PRKG1: variants seen among roughly 807,000 people sequenced by gnomAD.
PRKG1 encodes protein kinase cGMP-dependent 1, also known as cGMP-dependent protein kinase 1.
Under a neutral mutation model 88.1 loss-of-function variants are expected in PRKG1, and 35 were observed. That is an observed-to-expected ratio of 0.40 (90% confidence interval 0.30 to 0.53). The LOEUF (loss-of-function observed/expected upper bound fraction) is 0.53, where lower values mean the gene tolerates loss of function less well. Ranked by LOEUF, PRKG1 falls within the 20% of genes least tolerant of loss-of-function variation. The probability of loss-of-function intolerance (pLI) is 0.59; values close to 1 mark genes in which losing one functional copy is unlikely to be tolerated. For synonymous variants in PRKG1, 303 were observed against 292.5 expected, an observed-to-expected ratio of 1.04 and a Z score of -0.37; for missense variants, 540 against 839.8, an observed-to-expected ratio of 0.64 and a Z score of 4.41.
At chr10:51,208,778 G>A (rs568983637) in intron 2 of PRKG1, among the ~76,000 whole-genome samples, 60 of 152,262 alleles carry the variant, frequency 3.9e-4, no homozygotes, top group Non-Finnish European at 7.2e-4. Context: ...CCTTTGACAT[G>A]TGTTAGTATT....
chr10:51,060,699 A>C (rs1843682504), intron 1 of PRKG1, among the ~76,000 whole-genome samples: 1 of 152,144 alleles, frequency 6.6e-6, no homozygotes, highest in African/African-American at 2.4e-5. Context: ...TGATACTTAC[A>C]TTTTCTTTAA....
At chr10:51,238,081 A>G (rs987224762) in intron 2 of PRKG1, among the ~76,000 whole-genome samples, 9 of 152,224 alleles carry the variant, frequency 5.9e-5, no homozygotes, top group Non-Finnish European at 7.3e-5. Context: ...TGAATCTACT[A>G]TTAATACTGG....
rs141293448 is a variant in PRKG1 at position 51,467,786 on chromosome 10, T to C, written c.542T>C (p.Phe181Ser). Residue 181 changes from phenylalanine to serine, a missense_variant, in exon 3 of 18, where the codon TTT becomes TCT. By Grantham distance (155) the Phe-to-Ser change is radical (BLOSUM62 -2). Transcript: ENST00000373980. ...KLCTMGPGKV[F>S]GELAILYNCT... The stretch of plus-strand genomic sequence containing the variant: ...TGTACCATGGGTCCAGGAAAAGTGT[T>C]TGGGGAATTGGCTATTCTTTACAAC... 2 of 1,613,058 alleles carry C rather than the reference T, an allele frequency of 1.2e-6. No individual in the cohort carries two copies. Among genetic ancestry groups the C allele is most frequent in the South Asian group, 1.1e-5 (1 of 91,068 alleles).
chr10:51,021,679 T>G (rs541153752), intron 1 of PRKG1, among the ~76,000 whole-genome samples: 1 of 152,296 alleles, frequency 6.6e-6, no homozygotes, highest in African/African-American at 2.4e-5. Flanking sequence ...TAGTTCTTTT[T>G]TTGTTTTGCT....
intron 2 of PRKG1, among the ~76,000 whole-genome samples, chr10:51,368,905 A>G (rs1427890096): frequency 6.6e-6 from 1 of 152,098 alleles, no homozygotes; most frequent in African/African-American, 2.4e-5. Context: ...TATGGATTGG[A>G]GAAATGAGAG....
intron 3 of PRKG1, among the ~76,000 whole-genome samples, chr10:51,587,669 A>T (rs1838207072): frequency 6.6e-6 from 1 of 152,160 alleles, no homozygotes; most frequent in South Asian, 2.1e-4. Flanking sequence ...CTTGCTTTTC[A>T]TTTAAATACC....
At chr10:51,897,542 T>C (rs1198367916) in intron 4 of PRKG1, among the ~76,000 whole-genome samples, 1 of 152,202 alleles carries the variant, frequency 6.6e-6, no homozygotes, top group African/African-American at 2.4e-5. Flanking sequence ...ACTATAATCT[T>C]TTGAAAATAT....
intron 5 of PRKG1, among the ~76,000 whole-genome samples, chr10:52,033,100 T>C (rs550832166): frequency 6.6e-6 from 1 of 152,320 alleles, no homozygotes; most frequent in South Asian, 2.1e-4. Context: ...ACTTTTAGTA[T>C]ACTAATATTA....
intron 2 of PRKG1, among the ~76,000 whole-genome samples, chr10:51,461,054 T>C (rs1345382723): frequency 6.6e-6 from 1 of 152,182 alleles, no homozygotes; most frequent in African/African-American, 2.4e-5. Context: ...ATGTTTTTGA[T>C]TCACAACCAA....
intron 5 of PRKG1, among the ~76,000 whole-genome samples, chr10:52,037,848 T>A (rs1256259287): frequency 6.6e-6 from 1 of 151,890 alleles, no homozygotes. Context: ...GTCAGATGGA[T>A]CTGTAGAAAA....
intron 2 of PRKG1, among the ~76,000 whole-genome samples, chr10:51,344,910 A>C (rs1842080184): frequency 6.6e-6 from 1 of 152,194 alleles, no homozygotes. Context: ...AAATTCATGC[A>C]CAATAGGAAC....
At chr10:52,050,072 G>C (rs1428982916) in intron 5 of PRKG1, among the ~76,000 whole-genome samples, 1 of 151,954 alleles carries the variant, frequency 6.6e-6, no homozygotes, top group African/African-American at 2.4e-5. Context: ...TGTGTGTGGT[G>C]GTGGTGGTAA....
At chr10:51,479,521 A>G (rs879722818) in intron 3 of PRKG1, among the ~76,000 whole-genome samples, 5 of 151,672 alleles carry the variant, frequency 3.3e-5, no homozygotes, top group Non-Finnish European at 7.4e-5. Context: ...TTTCCCTTTG[A>G]GCTTTTCACT....
chr10:51,994,800 A>G (rs1564743544), intron 5 of PRKG1, among the ~76,000 whole-genome samples: 1 of 152,166 alleles, frequency 6.6e-6, no homozygotes, highest in African/African-American at 2.4e-5. Flanking sequence ...TATTTGACAT[A>G]TGGAGCACTG....
intron 2 of PRKG1, among the ~76,000 whole-genome samples, chr10:51,387,950 T>C (rs1837295084): frequency 6.6e-6 from 1 of 152,208 alleles, no homozygotes; most frequent in Admixed American, 6.5e-5. Flanking sequence ...ATCCAGTTTT[T>C]TACTATCTAA....
intron 3 of PRKG1, among the ~76,000 whole-genome samples, chr10:51,704,686 G>A (rs565982360): frequency 2.6e-5 from 4 of 152,278 alleles, no homozygotes; most frequent in Admixed American, 6.5e-5. Flanking sequence ...AATAGCCAAC[G>A]CAAGAAATTG....
intron 4 of PRKG1, among the ~76,000 whole-genome samples, chr10:51,844,412 C>T (rs1206712796): frequency 2.0e-5 from 3 of 152,004 alleles, no homozygotes; most frequent in Non-Finnish European, 4.4e-5. Context: ...AGAACAGTTG[C>T]TATTATTATA....
chr10:52,184,800 CAA>C (rs1247617470), intron 9 of PRKG1: 7 of 152,138 alleles, frequency 4.6e-5, no homozygotes, highest in African/African-American at 1.7e-4. Flanking sequence ...AGAGCAGAAA[CAA>C]GAGAGGGTGG....
At chr10:51,645,393 T>A (rs1404956689) in intron 3 of PRKG1, among the ~76,000 whole-genome samples, 1 of 152,212 alleles carries the variant, frequency 6.6e-6, no homozygotes, top group Non-Finnish European at 1.5e-5. Context: ...ATGTCTCATA[T>A]TTGAACTACA....
Sources: allele counts gnomAD v4.1 joint callset (sites outside exome capture counted in the v4.1 genomes callset), GRCh38; gene constraint gnomAD v4.1.1; transcripts MANE v1.5; gene names NCBI Gene and HGNC (gene_info 2026-07-23, HGNC 2026-07-21).